VASH2: variants seen among roughly 807,000 people sequenced by gnomAD.
The protein encoded by VASH2 is vasohibin 2, also known as tubulinyl-Tyr carboxypeptidase 2.
In VASH2, 28 loss-of-function variants were observed where a neutral mutation model predicts 37.2. The observed-to-expected ratio is 0.75, with a 90% CI of 0.56 to 1.03. The LOEUF (loss-of-function observed/expected upper bound fraction) is 1.03, where lower values mean the gene tolerates loss of function less well. VASH2 is among the 50% of genes least tolerant of loss of function. VASH2 has a pLI of 0.00. For synonymous variants in VASH2, 188 were observed against 174.7 expected (o/e 1.08, Z -0.60); for missense variants, 419 against 459.1 (o/e 0.91, Z 0.80).
rs2075859716 is a variant in VASH2, at chr1:212,991,462, A to C, written c.*2878A>C. On this transcript the variant is annotated 3_prime_UTR_variant, in exon 8 of 8. Transcript: ENST00000517399. ...TAGTGGGTATTTTTCTAATTAAATG[A>C]AAACTTGTATAATGGTATTTTAGAG... 6.6e-6 allele frequency: 1 copy of C among 152,244 alleles called. No homozygotes were observed. The highest frequency in any genetic ancestry group is 1.5e-5 in the Non-Finnish European group (1 of 68,036). The allele number at this position is 152,244 out of a possible 1,614,324, so 9.4% of individuals were successfully genotyped here. A position where few individuals can be genotyped will look rare whatever the true frequency, so the allele number is the denominator to read the frequency against.
At chr1:212,987,231 T>G (rs1228395167) in intron 7 of VASH2, among the ~76,000 whole-genome samples, 1 of 152,090 alleles carries the variant, frequency 6.6e-6, no homozygotes, top group African/African-American at 2.4e-5. Flanking sequence ...ATAAGAAACC[T>G]TCTAACAATT....
At position 212,972,954 on chromosome 1, in the gene VASH2, G is replaced by C; in HGVS notation, c.872G>C (p.Arg291Thr). ...KELEKYARDM[R>T]MKILKPASAH... is the part of the protein sequence containing the mutation. The stretch of plus-strand genomic sequence containing the variant: ...CTGGAGAAATATGCCAGGGACATGA[G>C]AATGAAGGTGGGTGCTGGGAAGACA... The change falls in exon 6 of 8, where the codon AGA becomes ACA. Residue 291 changes from arginine to threonine, a missense_variant. Coordinates refer to ENST00000517399, the MANE Select transcript of VASH2 (RefSeq NM_001301056.2). 6.2e-7 allele frequency: 1 copy of C among 1,610,826 alleles called. No homozygotes were observed. Among genetic ancestry groups the C allele is most frequent in the Non-Finnish European group, 8.5e-7 (1 of 1,180,004 alleles).
At chr1:212,978,701 G>T (rs950372987) in intron 7 of VASH2, among the ~76,000 whole-genome samples, 12 of 152,082 alleles carry the variant, frequency 7.9e-5, no homozygotes, top group Admixed American at 5.9e-4. Context: ...AGTCTTTGCG[G>T]TTTTTTTTCC....
At chr1:212,972,169 G>A (rs1282155689) in intron 5 of VASH2, among the ~76,000 whole-genome samples, 2 of 152,162 alleles carry the variant, frequency 1.3e-5, no homozygotes, top group African/African-American at 4.8e-5. Flanking sequence ...GGGGCAGGGA[G>A]CAAGAATACC....
chr1:212,955,287 A>AT (rs1254576080), intron 2 of VASH2, among the ~76,000 whole-genome samples: 6 of 152,204 alleles, frequency 3.9e-5, no homozygotes, highest in Non-Finnish European at 8.8e-5. Context: ...ACTACAGGAC[A>AT]TTCCCTTAGC....
intron 3 of VASH2, among the ~76,000 whole-genome samples, chr1:212,962,491 C>T (rs936030221): frequency 2.0e-5 from 3 of 152,172 alleles, no homozygotes; most frequent in African/African-American, 7.2e-5. Flanking sequence ...CACACATGCC[C>T]CACATGTCCC....
chr1:212,986,336 G>C (rs945769644), intron 7 of VASH2, among the ~76,000 whole-genome samples: 3 of 152,256 alleles, frequency 2.0e-5, no homozygotes, highest in African/African-American at 4.8e-5. Flanking sequence ...ATTTGCATCA[G>C]GCTGATGCTA....
chr1:212,978,527 T>C (rs1321556401), intron 7 of VASH2, among the ~76,000 whole-genome samples: 1 of 152,330 alleles, frequency 6.6e-6, no homozygotes, highest in East Asian at 1.9e-4. Flanking sequence ...ACGGAGGTGA[T>C]GGCTGATGGT....
At chr1:212,954,192 T>A (rs993975582) in intron 2 of VASH2, among the ~76,000 whole-genome samples, 5 of 152,188 alleles carry the variant, frequency 3.3e-5, no homozygotes, top group African/African-American at 1.2e-4. Flanking sequence ...GGATTACAGG[T>A]GTGAGCCACC....
intron 5 of VASH2, chr1:212,968,115 C>T: frequency 1.4e-6 from 1 of 710,578 alleles, no homozygotes; most frequent in Non-Finnish European, 1.7e-6. Flanking sequence ...CAGATTTGGA[C>T]ATGTGAAATT....
intron 7 of VASH2, among the ~76,000 whole-genome samples, chr1:212,978,291 G>A (rs1405434665): frequency 1.3e-5 from 2 of 152,236 alleles, no homozygotes; most frequent in Non-Finnish European, 2.9e-5. Flanking sequence ...ACAGCTGTTA[G>A]ACTGCCTCAG....
intron 2 of VASH2, among the ~76,000 whole-genome samples, chr1:212,955,577 T>A (rs567648257): frequency 6.6e-6 from 1 of 152,198 alleles, no homozygotes; most frequent in Admixed American, 6.5e-5. Flanking sequence ...TCTAGGACAA[T>A]CCTCCTGTTT....
At chr1:212,965,632 C>A (rs531639439) in intron 3 of VASH2, 90 bp from the exon 4 acceptor site, 2 of 1,237,152 alleles carry the variant, frequency 1.6e-6, no homozygotes, top group East Asian at 2.6e-5. Context: ...ATCCTCATCT[C>A]ATTGAGAAAT....
intron 7 of VASH2, among the ~76,000 whole-genome samples, chr1:212,978,381 A>C (rs1438093309): frequency 1.3e-5 from 2 of 152,136 alleles, no homozygotes; most frequent in Non-Finnish European, 2.9e-5. Context: ...ATGGGGAGAA[A>C]GACTGGGGAA....
At chr1:212,972,295 A>T (rs960590500) in intron 5 of VASH2, among the ~76,000 whole-genome samples, 4 of 152,192 alleles carry the variant, frequency 2.6e-5, no homozygotes, top group Non-Finnish European at 5.9e-5. Flanking sequence ...CAGAGGAAAA[A>T]GTGCCTTGTT....
At chr1:212,961,529 C>T (rs1558143511) in intron 3 of VASH2, among the ~76,000 whole-genome samples, 1 of 152,100 alleles carries the variant, frequency 6.6e-6, no homozygotes, top group Non-Finnish European at 1.5e-5. Flanking sequence ...CTGAGCACCC[C>T]TCTTCCTTCT....
intron 5 of VASH2, chr1:212,967,521 G>A (rs1666887260): frequency 9.7e-7 from 1 of 1,029,982 alleles, no homozygotes; most frequent in Non-Finnish European, 1.2e-6. Context: ...GCTGTGCTGA[G>A]AAATGACTTT....
In VASH2 at chr1:212,965,729, C is replaced by T. The variant is rs1446029797; in HGVS notation, c.373C>T (p.His125Tyr). Residue 125 changes from histidine (H) to tyrosine (Y), a missense_variant, in exon 4 of 8, where the codon CAC (histidine) becomes TAC (tyrosine). This residue lies in a region of VASH2 where 84 missense variants were observed against 129.9 expected (regional missense o/e 0.65). Transcript: ENST00000517399. ...QNYMKTLQYN[H>Y]TGTQFFEIRK... ...TTTACATACTTTACACAGATATAATCACACAGGGACCCAGTTCTTTGAAAT... is the reference window on the plus strand; with the variant it reads ...TTTACATACTTTACACAGATATAATTACACAGGGACCCAGTTCTTTGAAAT... 6.4e-7 allele frequency: 1 copy of T among 1,551,988 alleles called. No homozygotes were observed. Among genetic ancestry groups the T allele is most frequent in the East Asian group, 2.4e-5 (1 of 40,918 alleles).
intron 7 of VASH2, among the ~76,000 whole-genome samples, chr1:212,984,534 C>A (rs963284808): frequency 5.9e-5 from 9 of 152,136 alleles, no homozygotes; most frequent in Admixed American, 5.2e-4. Flanking sequence ...TCTAGTCCAA[C>A]AACTTGAAAA....
Sources: gnomAD v4.1 joint callset for allele counts (sites outside exome capture counted in the v4.1 genomes callset) on GRCh38, gnomAD v4.1.1 for gene constraint, gnomAD v4.1.1 regional missense constraint, MANE v1.5 for transcripts, NCBI Gene and HGNC (gene_info 2026-07-23, HGNC 2026-07-21) for gene names.